Variants in MYO5B observed in about 807,000 individuals in gnomAD.
MYO5B encodes myosin VB.
Under a neutral mutation model 229.3 loss-of-function variants are expected in MYO5B, and 143 were observed. The ratio of observed to expected loss-of-function variants is 0.62; its 90% CI spans 0.54 to 0.72. The LOEUF is 0.72. Among genes scored for constraint, MYO5B ranks in the 30% least tolerant of loss-of-function variants. The pLI, the probability that MYO5B is intolerant of heterozygous loss-of-function variation, is 0.00. For synonymous variants in MYO5B, 918 were observed against 885.2 expected, an observed-to-expected ratio of 1.04 and a Z score of -0.66; for missense variants, 2,321 against 2,331.0, an observed-to-expected ratio of 1.00 and a Z score of 0.09.
At chr18:50,114,656 C>T (rs562702803) in intron 1 of MYO5B, among the ~76,000 whole-genome samples, 2 of 152,316 alleles carry the variant, frequency 1.3e-5, no homozygotes, top group East Asian at 1.9e-4. Flanking sequence ...CTGCTCCAGA[C>T]GGAACTTGGC....
chr18:49,836,195 G>C (rs1040215458), intron 38 of MYO5B, among the ~76,000 whole-genome samples: 4 of 152,102 alleles, frequency 2.6e-5, no homozygotes, highest in African/African-American at 9.7e-5. Context: ...ACATTTTTTA[G>C]GGAAAAGGAA....
chr18:49,886,526 G>A (rs768080350), intron 22 of MYO5B, among the ~76,000 whole-genome samples: 1 of 152,152 alleles, frequency 6.6e-6, no homozygotes, highest in Non-Finnish European at 1.5e-5. Context: ...GGAGAGTCAG[G>A]CAAAGGGGTT....
At chr18:49,850,108 G>A (rs919880471) in intron 31 of MYO5B, 2 of 280,708 alleles carry the variant, frequency 7.1e-6, no homozygotes, top group South Asian at 3.9e-5. Context: ...AGGGCCCAGC[G>A]GCAAAACAGG....
intron 20 of MYO5B, among the ~76,000 whole-genome samples, chr18:49,903,486 A>C (rs1322140202): frequency 1.3e-5 from 2 of 152,128 alleles, no homozygotes; most frequent in African/African-American, 2.4e-5. Context: ...AGAAACTCCC[A>C]AACATCACCT....
chr18:50,179,696 C>T (rs1175795685), intron 1 of MYO5B, among the ~76,000 whole-genome samples: 2 of 152,210 alleles, frequency 1.3e-5, no homozygotes, highest in African/African-American at 4.8e-5. Context: ...GGACAGCCTG[C>T]TCTCTAAAGC....
intron 10 of MYO5B, among the ~76,000 whole-genome samples, chr18:49,972,495 T>G (rs1489372133): frequency 6.6e-6 from 1 of 152,152 alleles, no homozygotes; most frequent in Non-Finnish European, 1.5e-5. Flanking sequence ...AGTAAGGAAA[T>G]CATAAAATTT....
At chr18:50,064,932 C>T (rs2030781948) in intron 1 of MYO5B, among the ~76,000 whole-genome samples, 1 of 152,168 alleles carries the variant, frequency 6.6e-6, no homozygotes, top group Admixed American at 6.5e-5. Flanking sequence ...ATAGGAGCAC[C>T]ACTCTTTCTT....
chr18:49,993,991 T>C (rs1212063134), intron 5 of MYO5B, among the ~76,000 whole-genome samples: 1 of 152,114 alleles, frequency 6.6e-6, no homozygotes, highest in Admixed American at 6.5e-5. Context: ...CCTTTTTCTT[T>C]CTCCAAAGCC....
In MYO5B at chr18:49,893,957, G is replaced by A. The variant is rs1000181800; in HGVS notation, c.3045+984C>T. Among the ~76,000 whole-genome samples the A allele has an allele frequency of 4.9e-4, 74 of 152,330 alleles. 1 individual carries two copies. The highest frequency in any genetic ancestry group is 3.4e-3 in the Middle Eastern group (1 of 294). On this transcript the variant is annotated intron_variant, in intron 22 of 39. Coordinates refer to ENST00000285039, the MANE Select transcript of MYO5B (RefSeq NM_001080467.3). Reference sequence around the variant, plus strand: ...CACAATCTCATGGTGGCAGCCAGGTGCAAGTCTAGAAGGGGCCTTGGAGAT... The same window carrying A: ...CACAATCTCATGGTGGCAGCCAGGTACAAGTCTAGAAGGGGCCTTGGAGAT...
chr18:50,067,023 A>T (rs1056984449), intron 1 of MYO5B, among the ~76,000 whole-genome samples: 1 of 152,212 alleles, frequency 6.6e-6, no homozygotes, highest in African/African-American at 2.4e-5. Context: ...CTGTGTCTGC[A>T]ACTTTAAAGA....
chr18:50,151,916 G>A (rs1241640220), intron 1 of MYO5B, among the ~76,000 whole-genome samples: 1 of 152,062 alleles, frequency 6.6e-6, no homozygotes, highest in Non-Finnish European at 1.5e-5. Flanking sequence ...CTGCCTTCCC[G>A]CTCCAGGGAT....
chr18:50,105,003 C>T (rs965831042), intron 1 of MYO5B, among the ~76,000 whole-genome samples: 1 of 151,852 alleles, frequency 6.6e-6, no homozygotes, highest in Non-Finnish European at 1.5e-5. Flanking sequence ...GGGAGGACTC[C>T]AGAGGGGGTA....
At chr18:49,945,982 T>G (rs2144230687) in intron 14 of MYO5B, among the ~76,000 whole-genome samples, 1 of 152,350 alleles carries the variant, frequency 6.6e-6, no homozygotes, top group East Asian at 1.9e-4. Context: ...TAAATAATTC[T>G]AATTCATATA....
intron 33 of MYO5B, among the ~76,000 whole-genome samples, chr18:49,844,366 C>G (rs1057449875): frequency 7.2e-5 from 11 of 152,226 alleles, no homozygotes; most frequent in Non-Finnish European, 1.5e-5. Flanking sequence ...TAGCTCTGCA[C>G]TGTATCTCCA....
chr18:50,117,736 G>C (rs775473403), intron 1 of MYO5B, among the ~76,000 whole-genome samples: 1 of 152,138 alleles, frequency 6.6e-6, no homozygotes, highest in Non-Finnish European at 1.5e-5. Context: ...CAGCTTCCCA[G>C]CTTCGGCTCA....
intron 1 of MYO5B, among the ~76,000 whole-genome samples, chr18:50,144,613 C>T (rs2032472048): frequency 6.6e-6 from 1 of 152,160 alleles, no homozygotes; most frequent in Non-Finnish European, 1.5e-5. Flanking sequence ...AAATAACCCC[C>T]AAAAGACCTT....
At chr18:49,914,161 CTG>C (rs2024987514) in intron 17 of MYO5B, among the ~76,000 whole-genome samples, 1 of 152,210 alleles carries the variant, frequency 6.6e-6, no homozygotes, top group South Asian at 2.1e-4. Context: ...TAAAACCACA[CTG>C]TGACACTGGG....
At chr18:49,829,248 T>C (rs1453547513) in intron 39 of MYO5B, among the ~76,000 whole-genome samples, 1 of 151,490 alleles carries the variant, frequency 6.6e-6, no homozygotes, top group African/African-American at 2.4e-5. Flanking sequence ...AAATGAGAAA[T>C]TAGCAAATCA....
At chr18:50,126,931 C>A (rs1230592653) in intron 1 of MYO5B, among the ~76,000 whole-genome samples, 1 of 152,168 alleles carries the variant, frequency 6.6e-6, no homozygotes, top group African/African-American at 2.4e-5. Context: ...GAAGTTTTTA[C>A]AATTCATTGG....
Sources: allele counts gnomAD v4.1 joint callset (sites outside exome capture counted in the v4.1 genomes callset), GRCh38; gene constraint gnomAD v4.1.1; transcripts MANE v1.5; gene names NCBI Gene and HGNC (gene_info 2026-07-23, HGNC 2026-07-21).